The following EHMT1 variants were observed in gnomAD, a reference collection of about 807,000 sequenced individuals.
EHMT1 encodes euchromatic histone lysine methyltransferase 1, also known as histone-lysine N-methyltransferase EHMT1.
Under a neutral mutation model 147.2 loss-of-function variants are expected in EHMT1, and 15 were observed. That is an observed-to-expected ratio of 0.10 (90% CI 0.07 to 0.16). The LOEUF is 0.16. EHMT1 is among the 10% of genes least tolerant of loss of function. The pLI is 1.00. For synonymous variants in EHMT1, 795 were observed against 709.6 expected, an observed-to-expected ratio of 1.12 and a Z score of -1.91; for missense variants, 1,587 against 1,772.4, an observed-to-expected ratio of 0.90 and a Z score of 1.88.
At position 137,775,825 on chromosome 9, in the gene EHMT1, C is replaced by T. The variant is rs1364172745; in HGVS notation, c.1791+573C>T. 2.0e-5 allele frequency among the ~76,000 whole-genome samples: 3 copies of T among 151,918 alleles called. No homozygotes were observed. Among genetic ancestry groups the T allele is most frequent in the Non-Finnish European group, 2.9e-5 (2 of 67,968 alleles). ...GTGCTCAGCCGTGCCCAGGGCCCCC[C>T]GAGAATGGGCTGCTTCCCTTTGGAG... On this transcript the variant is annotated intron_variant, in intron 11 of 26. Coordinates refer to ENST00000460843, the MANE Select transcript of EHMT1 (RefSeq NM_024757.5). This position sits in a 1 kb window ranked among gnomAD's most constrained non-coding sequence, Gnocchi z 6.1.
intron 1 of EHMT1, among the ~76,000 whole-genome samples, chr9:137,632,717 A>T (rs958653141): frequency 5.3e-5 from 8 of 151,812 alleles, no homozygotes; most frequent in African/African-American, 1.9e-4. Context: ...ACCACTTTTT[A>T]GGGATTACAG....
chr9:137,684,551 G>A (rs946692014), intron 1 of EHMT1, among the ~76,000 whole-genome samples: 3 of 152,048 alleles, frequency 2.0e-5, no homozygotes, highest in Non-Finnish European at 4.4e-5. Context: ...GAGTGCAGTG[G>A]TGTGATCTTG....
In EHMT1 at chr9:137,817,464, C is replaced by T. The variant is rs778857511; in HGVS notation, c.3400C>T (p.Arg1134Trp). 4.3e-5 allele frequency: 69 copies of T among 1,614,180 alleles called. No homozygotes were observed. The highest frequency in any genetic ancestry group is 2.5e-4 in the East Asian group (11 of 44,884). The change falls in exon 24 of 27, where the codon CGG (arginine) becomes TGG (tryptophan). Residue 1134 changes from arginine (R) to tryptophan (W), a missense_variant. Arg to Trp is a moderately radical substitution (Grantham distance 101). This residue lies in a region of EHMT1 where 156 missense variants were observed against 252.5 expected (regional missense o/e 0.62). Transcript: ENST00000460843. ...LRARLQLYRT[R>W]DMGWGVRSLQ... ...GGCAAGGCTGCAGCTCTACCGGACG[C>T]GGGACATGGGCTGGGGCGTGCGGTC...
intron 3 of EHMT1, among the ~76,000 whole-genome samples, chr9:137,721,200 AC>A (rs1488963890): frequency 3.7e-4 from 3 of 8,212 alleles, no homozygotes; most frequent in African/African-American, 4.0e-4. Context: ...TCTCACACTC[AC>A]CCCTCCCAGA....
At chr9:137,715,043 T>C (rs1945089133) in intron 2 of EHMT1, among the ~76,000 whole-genome samples, 1 of 152,238 alleles carries the variant, frequency 6.6e-6, no homozygotes, top group Non-Finnish European at 1.5e-5. Flanking sequence ...AATGTTGATA[T>C]AAATAAATGT....
chr9:137,665,850 C>G (rs1007817186), intron 1 of EHMT1: 1 of 152,224 alleles, frequency 6.6e-6, no homozygotes, highest in East Asian at 1.9e-4. Context: ...GGTGCCTGGG[C>G]GGCCGCGTGC....
intron 1 of EHMT1, among the ~76,000 whole-genome samples, chr9:137,630,669 C>A (rs1184523671): frequency 1.3e-5 from 2 of 152,178 alleles, no homozygotes; most frequent in South Asian, 2.1e-4. Context: ...TGTACTTCCT[C>A]TGTCCCGTAT....
At chr9:137,659,376 A>G (rs926086911) in intron 1 of EHMT1, among the ~76,000 whole-genome samples, 1 of 151,302 alleles carries the variant, frequency 6.6e-6, no homozygotes, top group South Asian at 2.1e-4. Flanking sequence ...TCCTAGTTTG[A>G]CAGTCCTTTT....
chr9:137,794,906 A>G (rs1215570088), intron 16 of EHMT1, among the ~76,000 whole-genome samples: 1 of 152,214 alleles, frequency 6.6e-6, no homozygotes, highest in African/African-American at 2.4e-5. Flanking sequence ...AGCTTCCAGG[A>G]GGAAAACTTA....
intron 18 of EHMT1, chr9:137,802,410 G>A (rs943441305): frequency 5.0e-6 from 2 of 398,562 alleles, no homozygotes; most frequent in Non-Finnish European, 8.8e-6. Flanking sequence ...CCTTCACAGA[G>A]GGTTCCAGAG....
At chr9:137,744,927 C>G (rs1213375981) in intron 6 of EHMT1, among the ~76,000 whole-genome samples, 1 of 152,248 alleles carries the variant, frequency 6.6e-6, no homozygotes. Context: ...CATACAGTTT[C>G]GGAGTTACAT....
intron 1 of EHMT1, among the ~76,000 whole-genome samples, chr9:137,635,284 G>A (rs957982921): frequency 4.8e-4 from 73 of 151,566 alleles, no homozygotes; most frequent in African/African-American, 1.7e-3. Flanking sequence ...TCGGGTCACT[G>A]CAACCTCCGC....
intron 1 of EHMT1, among the ~76,000 whole-genome samples, chr9:137,627,100 AG>A (rs1843310679): frequency 6.6e-6 from 1 of 152,030 alleles, no homozygotes; most frequent in African/African-American, 2.4e-5. Flanking sequence ...CTGGGATTAT[AG>A]GCGTGCGCCA....
At chr9:137,656,413 A>G (rs1272254027) in intron 1 of EHMT1, among the ~76,000 whole-genome samples, 4 of 152,226 alleles carry the variant, frequency 2.6e-5, no homozygotes, top group Admixed American at 1.3e-4. Flanking sequence ...ATGTATAGCT[A>G]TGAAGAGACA....
chr9:137,658,722 C>T (rs775652564), intron 1 of EHMT1, among the ~76,000 whole-genome samples: 5 of 151,666 alleles, frequency 3.3e-5, no homozygotes, highest in African/African-American at 4.9e-5. Context: ...AAGCGATTTT[C>T]CCACCTCACC....
At position 137,716,942 on chromosome 9, in the gene EHMT1, A is replaced by G. The variant is rs751633207; in HGVS notation, c.402A>G (p.Ala134=). The change falls in exon 3 of 27, where the codon GCA becomes GCG. Residue 134 remains alanine (A), a synonymous_variant. Transcript: ENST00000460843. ...TCTTAAATAAGCCGGCCCTACAGGC[A>G]CAGCCCTTGAGGACTACCAGCACTC... ...GYILNKPALQ[A]QPLRTTSTLA... 6.2e-7 allele frequency: 1 copy of G among 1,612,946 alleles called. No individual in the cohort carries two copies. Among genetic ancestry groups the G allele is most frequent in the Non-Finnish European group, 8.5e-7 (1 of 1,179,846 alleles).
chr9:137,800,764 G>T, intron 17 of EHMT1, 116 bp from the exon 18 acceptor site: 2 of 832,404 alleles, frequency 2.4e-6, no homozygotes, highest in East Asian at 2.6e-5. Flanking sequence ...TGAGTGAGAC[G>T]CCTGCACGAG....
intron 18 of EHMT1, among the ~76,000 whole-genome samples, chr9:137,802,214 G>A (rs1953550495): frequency 6.6e-6 from 1 of 152,194 alleles, no homozygotes; most frequent in Admixed American, 6.5e-5. Context: ...AAGGGGCGAG[G>A]GGGTACTCTG....
chr9:137,625,303 A>T (rs1389686553), intron 1 of EHMT1, among the ~76,000 whole-genome samples: 1 of 152,204 alleles, frequency 6.6e-6, no homozygotes, highest in Non-Finnish European at 1.5e-5. Flanking sequence ...GTTATGTATT[A>T]TGCAGGTGCC....
Sources: gnomAD v4.1 joint callset for allele counts (sites outside exome capture counted in the v4.1 genomes callset) on GRCh38, gnomAD v4.1.1 for gene constraint, gnomAD v4.1.1 regional missense constraint, Gnocchi (gnomAD v3.1) non-coding constraint, MANE v1.5 for transcripts, NCBI Gene and HGNC (gene_info 2026-07-23, HGNC 2026-07-21) for gene names.